The following PLA2R1 variants were observed in gnomAD, a reference collection of about 807,000 sequenced individuals.
PLA2R1 encodes the protein phospholipase A2 receptor 1, also known as secretory phospholipase A2 receptor.
Under a neutral mutation model 195.9 loss-of-function variants are expected in PLA2R1, and 158 were observed. The observed-to-expected ratio is 0.81, with a 90% CI of 0.71 to 0.92. PLA2R1 has a LOEUF of 0.92. Ranked by LOEUF, PLA2R1 falls within the 40% of genes least tolerant of loss-of-function variation. PLA2R1 has a pLI of 0.00. For synonymous variants in PLA2R1, 586 were observed against 598.2 expected, an observed-to-expected ratio of 0.98 and a Z score of 0.30; for missense variants, 1,626 against 1,764.6, an observed-to-expected ratio of 0.92 and a Z score of 1.41.
chr2:159,976,861 A>G, intron 15 of PLA2R1, 141 bp from the exon 16 acceptor site: 1 of 678,578 alleles, frequency 1.5e-6, no homozygotes, highest in Non-Finnish European at 2.6e-6. Context: ...GCTGTTTGGA[A>G]TATATGGTGA....
At chr2:160,048,762 C>T (rs1234251618) in intron 1 of PLA2R1, among the ~76,000 whole-genome samples, 1 of 151,346 alleles carries the variant, frequency 6.6e-6, no homozygotes, top group African/African-American at 2.4e-5. Context: ...AATCTCTTTG[C>T]AGGAAAATGT....
chr2:160,029,874 T>C (rs1693754670), intron 4 of PLA2R1, among the ~76,000 whole-genome samples: 2 of 152,232 alleles, frequency 1.3e-5, no homozygotes, highest in African/African-American at 4.8e-5. Flanking sequence ...GAGAGCATTG[T>C]TCGCTTACAA....
chr2:159,984,065 A>G lies in PLA2R1; in HGVS notation c.2046T>C (p.His682=), dbSNP rs1287668285. The part of the protein sequence containing the change: ...PGLASCFKVF[H]SEKVLMKRTW... ...TTCTTTTCATCAGAACTTTTTCACTATGAAATACCTGTATAGTAAAAGAAA... is the reference window on the plus strand; with the variant it reads ...TTCTTTTCATCAGAACTTTTTCACTGTGAAATACCTGTATAGTAAAAGAAA... The change falls in exon 13 of 30, where the codon CAT becomes CAC. Residue 682 remains histidine (H), a synonymous_variant. Transcript: ENST00000283243. 1.3e-6 allele frequency: 2 copies of G among 1,526,946 alleles called. No homozygotes were observed. The highest frequency in any genetic ancestry group is 1.2e-5 in the South Asian group (1 of 86,460). 94.6% of individuals were successfully genotyped at this position (1,526,946 alleles called of 1,614,324 possible). A position where few individuals can be genotyped will look rare whatever the true frequency, so the allele number is the denominator to read the frequency against.
In PLA2R1 at chr2:160,062,347, G is replaced by T; in HGVS notation, c.57C>A (p.Cys19Ter). 6.5e-7 allele frequency: 1 copy of T among 1,534,700 alleles called. No individual in the cohort carries two copies. The highest frequency in any genetic ancestry group is 8.8e-7 in the Non-Finnish European group (1 of 1,140,400). ...LLLLLGAPRGCAEGVAAALTP... is the reference protein window; with the variant it reads ...LLLLLGAPRG ...TAAGCGCCGCCGCCACACCCTCGGC[G>T]CAGCCCCGCGGCGCCCCCAGCAGCA... Residue 19 changes from cysteine to a stop codon, truncating the protein, a stop_gained, in exon 1 of 30, where the codon TGC becomes TGA. Coordinates refer to ENST00000283243, the MANE Select transcript of PLA2R1 (RefSeq NM_007366.5). LOFTEE classifies it high-confidence loss of function.
At chr2:160,020,565 T>A (rs1264507442) in intron 7 of PLA2R1, among the ~76,000 whole-genome samples, 1 of 152,066 alleles carries the variant, frequency 6.6e-6, no homozygotes, top group Non-Finnish European at 1.5e-5. Flanking sequence ...ATGAATGGAT[T>A]AATGGGCTAA....
At chr2:159,963,788 T>C (rs1158902788) in intron 20 of PLA2R1, among the ~76,000 whole-genome samples, 4 of 152,154 alleles carry the variant, frequency 2.6e-5, no homozygotes, top group African/African-American at 9.7e-5. Context: ...GATTGTAAAA[T>C]GGTTTGGTCG....
In PLA2R1 at chr2:160,055,914, C is replaced by T. The variant is rs117910175; in HGVS notation, c.109+6381G>A. On this transcript the variant is annotated intron_variant, in intron 1 of 29. Transcript: ENST00000283243. Reference sequence around the variant, plus strand: ...CAGGGCTACAGCTTCTCCCCACTGCCGCCTCCAGGTAGTGGCTCTCATCGC... The same window carrying T: ...CAGGGCTACAGCTTCTCCCCACTGCTGCCTCCAGGTAGTGGCTCTCATCGC... 1.8e-3 allele frequency among the ~76,000 whole-genome samples: 271 copies of T among 152,254 alleles called. 9 individuals are homozygous for T. The East Asian group carries it at 0.048, about 27-fold the overall frequency.
At chr2:159,998,372 C>G (rs1266490406) in intron 11 of PLA2R1, among the ~76,000 whole-genome samples, 1 of 152,072 alleles carries the variant, frequency 6.6e-6, no homozygotes, top group Non-Finnish European at 1.5e-5. Flanking sequence ...GAAGAGAAAA[C>G]TGAGATATGA....
intron 20 of PLA2R1, among the ~76,000 whole-genome samples, chr2:159,964,810 C>T (rs1688680534): frequency 6.6e-6 from 1 of 152,072 alleles, no homozygotes; most frequent in African/African-American, 2.4e-5. Context: ...GCGGGCGGAT[C>T]ACCTGAGGTC....
intron 3 of PLA2R1, among the ~76,000 whole-genome samples, chr2:160,034,356 AAGGC>A: frequency 6.6e-6 from 1 of 152,190 alleles, no homozygotes; most frequent in East Asian, 1.9e-4. Flanking sequence ...AGATTAAAGG[AAGGC>A]AGAAGACAAG....
intron 11 of PLA2R1, among the ~76,000 whole-genome samples, chr2:160,000,211 G>T (rs573404602): frequency 6.6e-6 from 1 of 152,228 alleles, no homozygotes; most frequent in East Asian, 1.9e-4. Context: ...ATCCCAAATG[G>T]CCACTTTTGG....
intron 8 of PLA2R1, 72 bp from the exon 9 acceptor site, chr2:160,016,784 A>T (rs1163890136): frequency 6.7e-6 from 4 of 595,906 alleles, no homozygotes; most frequent in African/African-American, 4.8e-5. Context: ...CAATTCTTAT[A>T]AAAAAAATAT....
intron 4 of PLA2R1, among the ~76,000 whole-genome samples, chr2:160,032,730 C>T (rs1693932830): frequency 1.3e-5 from 2 of 152,128 alleles, no homozygotes; most frequent in African/African-American, 4.8e-5. Flanking sequence ...CTTGCTGTGG[C>T]CTCAAATTCT....
At position 159,937,480 on chromosome 2, in the gene PLA2R1, A is replaced by C. The variant is rs77192480; in HGVS notation, c.*4298T>G. Reference sequence around the variant, plus strand: ...CAAACCAATGAGCCAAATAAAAAAAACTTCAGAAAAGGTCTGAATTCATTT... The same window carrying C: ...CAAACCAATGAGCCAAATAAAAAAACCTTCAGAAAAGGTCTGAATTCATTT... On this transcript the variant is annotated 3_prime_UTR_variant, in exon 30 of 30. Transcript: ENST00000283243. 1.3e-3 allele frequency: 196 copies of C among 152,352 alleles called. No homozygotes were observed. Among genetic ancestry groups the C allele is most frequent in the African/African-American group, 4.5e-3 (189 of 41,600 alleles). The allele number at this position is 152,352 out of a possible 1,614,324, so 9.4% of individuals were successfully genotyped here.
At chr2:159,948,864 G>T (rs566497915) in intron 25 of PLA2R1, among the ~76,000 whole-genome samples, 1 of 152,334 alleles carries the variant, frequency 6.6e-6, no homozygotes, top group Admixed American at 6.5e-5. Context: ...AGGCCAGCTT[G>T]TGTTAGTGAA....
Position 159,985,386 on chromosome 2 carries a change from T to C in PLA2R1, c.2038-1313A>G, listed in dbSNP as rs562409476. ...TGCCTGTGCAGAGATGCTGGGGAAC[T>C]TTTCCCCAAGATTTAGTGAACCCCT... On this transcript the variant is annotated intron_variant, in intron 12 of 29. Transcript: ENST00000283243. Among the ~76,000 whole-genome samples, 64 of 152,284 alleles carry C rather than the reference T, an allele frequency of 4.2e-4. 1 individual carries two copies. The highest frequency in any genetic ancestry group is 1.5e-3 in the African/African-American group (61 of 41,552).
rs1479004308 is a variant in PLA2R1, at chr2:159,941,472, AC to A, written c.*305del. ...TTAGTAGAGATACATTAATGCAAAAACTATTATTCGCATTGATTTCAGAGTT... is the reference window on the plus strand; with the variant it reads ...TTAGTAGAGATACATTAATGCAAAAATATTATTCGCATTGATTTCAGAGTT... On this transcript the variant is annotated 3_prime_UTR_variant, in exon 30 of 30. Transcript: ENST00000283243. 2 of 193,942 alleles carry A rather than the reference AC, an allele frequency of 1.0e-5. No individual in the cohort carries two copies. The highest frequency in any genetic ancestry group is 4.7e-5 in the African/African-American group (2 of 42,708). The allele number at this position is 193,942 out of a possible 1,614,324, so 12.0% of individuals were successfully genotyped here.
At position 159,941,619 on chromosome 2, in the gene PLA2R1, T is replaced by G; in HGVS notation, c.*159A>C. 1 of 546,426 alleles carries G rather than the reference T, an allele frequency of 1.8e-6. No individual in the cohort carries two copies. Among genetic ancestry groups the G allele is most frequent in the Non-Finnish European group, 3.2e-6 (1 of 308,254 alleles). The allele number at this position is 546,426 out of a possible 1,614,324, so 33.8% of individuals were successfully genotyped here. On this transcript the variant is annotated 3_prime_UTR_variant, in exon 30 of 30. Coordinates refer to ENST00000283243, the MANE Select transcript of PLA2R1 (RefSeq NM_007366.5). The stretch of plus-strand genomic sequence containing the variant: ...TGAATAAATCAAAACCCATCTGATT[T>G]GGTTAAGATTCAAAACCAGTAATCA...
chr2:159,954,426 A>C (rs1687955434), intron 23 of PLA2R1, among the ~76,000 whole-genome samples: 1 of 151,834 alleles, frequency 6.6e-6, no homozygotes, highest in Non-Finnish European at 1.5e-5. Flanking sequence ...CTTCTCTGGC[A>C]CTGCTTTTTT....
Sources: gnomAD v4.1 joint callset for allele counts (sites outside exome capture counted in the v4.1 genomes callset) on GRCh38, gnomAD v4.1.1 for gene constraint, MANE v1.5 for transcripts, NCBI Gene and HGNC (gene_info 2026-07-23, HGNC 2026-07-21) for gene names.